TBC1D22A: variants seen among roughly 807,000 people sequenced by gnomAD.
TBC1D22A encodes TBC1 domain family member 22A, also known as putative GTPase activator.
Under a neutral mutation model 60.2 loss-of-function variants are expected in TBC1D22A, and 38 were observed. That is an observed-to-expected ratio of 0.63 (90% CI 0.49 to 0.83). The LOEUF is 0.83. Ranked by LOEUF, TBC1D22A falls within the 40% of genes least tolerant of loss-of-function variation. TBC1D22A has a pLI of 0.00. For synonymous variants in TBC1D22A, 302 were observed against 281.7 expected (o/e 1.07, Z -0.72); for missense variants, 628 against 701.0 (o/e 0.90, Z 1.18).
At chr22:46,938,206 A>T (rs536293926) in intron 8 of TBC1D22A, among the ~76,000 whole-genome samples, 1 of 152,242 alleles carries the variant, frequency 6.6e-6, no homozygotes, top group South Asian at 2.1e-4. Context: ...ACAGGTGTAC[A>T]GTTTTTTGTC....
intron 8 of TBC1D22A, among the ~76,000 whole-genome samples, chr22:46,954,529 C>T (rs545617382): frequency 6.6e-6 from 1 of 152,318 alleles, no homozygotes; most frequent in Non-Finnish European, 1.5e-5. Flanking sequence ...GCCCCCTCTC[C>T]TGGGCTCATC....
At chr22:47,106,449 A>G (rs1376430711) in intron 11 of TBC1D22A, among the ~76,000 whole-genome samples, 1 of 152,264 alleles carries the variant, frequency 6.6e-6, no homozygotes, top group Non-Finnish European at 1.5e-5. Context: ...ATAGATTGAT[A>G]GCATTCAATA....
chr22:46,941,830 G>GAGT (rs2072165545), intron 8 of TBC1D22A, among the ~76,000 whole-genome samples: 1 of 67,204 alleles, frequency 1.5e-5, no homozygotes, highest in Non-Finnish European at 2.9e-5. Flanking sequence ...AGAATATATA[G>GAGT]AATAATAGAA....
At chr22:46,815,988 G>A (rs1222013854) in intron 4 of TBC1D22A, among the ~76,000 whole-genome samples, 1 of 152,186 alleles carries the variant, frequency 6.6e-6, no homozygotes, top group Non-Finnish European at 1.5e-5. Flanking sequence ...GGAGGGCTCT[G>A]GGGAACGAGA....
chr22:47,068,770 T>C (rs943557586), intron 11 of TBC1D22A, among the ~76,000 whole-genome samples: 1 of 152,212 alleles, frequency 6.6e-6, no homozygotes, highest in Non-Finnish European at 1.5e-5. Context: ...AAAGGAGACA[T>C]GCAAATGAGG....
intron 4 of TBC1D22A, among the ~76,000 whole-genome samples, chr22:46,820,561 C>T (rs1381477920): frequency 6.6e-6 from 1 of 152,150 alleles, no homozygotes; most frequent in Non-Finnish European, 1.5e-5. Flanking sequence ...ATTTCTTAAT[C>T]CTGAATTCTA....
intron 4 of TBC1D22A, among the ~76,000 whole-genome samples, chr22:46,824,093 T>C (rs1602024143): frequency 6.6e-6 from 1 of 152,228 alleles, no homozygotes; most frequent in South Asian, 2.1e-4. Context: ...TAACACGTTA[T>C]AAATTCAGTA....
At chr22:46,938,217 T>A (rs1052495944) in intron 8 of TBC1D22A, among the ~76,000 whole-genome samples, 4 of 152,208 alleles carry the variant, frequency 2.6e-5, no homozygotes, top group African/African-American at 9.6e-5. Flanking sequence ...GTTTTTTGTC[T>A]TCACTACTTT....
At chr22:46,872,976 G>A (rs991718505) in intron 4 of TBC1D22A, among the ~76,000 whole-genome samples, 15 of 152,148 alleles carry the variant, frequency 9.9e-5, no homozygotes, top group African/African-American at 1.7e-4. Flanking sequence ...GAAACCATTC[G>A]TGTCCCTCCA....
intron 8 of TBC1D22A, among the ~76,000 whole-genome samples, chr22:46,952,561 G>T (rs2072973530): frequency 6.6e-6 from 1 of 152,144 alleles, no homozygotes; most frequent in Admixed American, 6.5e-5. Flanking sequence ...AAGATGTCGT[G>T]CTCTGAAATG....
intron 8 of TBC1D22A, among the ~76,000 whole-genome samples, chr22:46,941,333 C>T (rs937810839): frequency 3.0e-5 from 3 of 101,230 alleles, no homozygotes; most frequent in African/African-American, 4.6e-5. Context: ...TGGGGCACTA[C>T]AATATATATA....
intron 11 of TBC1D22A, among the ~76,000 whole-genome samples, chr22:47,090,203 G>C (rs950954168): frequency 6.6e-6 from 1 of 152,162 alleles, no homozygotes; most frequent in Non-Finnish European, 1.5e-5. Flanking sequence ...TGAAGATTCC[G>C]GGGCTTGCCA....
In TBC1D22A at chr22:47,142,411, C is replaced by A. The variant is rs1390426644; in HGVS notation, c.1425+30808C>A. ...CCCATTCTTCCATCCATCCTGCCAC[C>A]CACCCATCCATTCACCCACCCACCC... On this transcript the variant is annotated intron_variant, in intron 12 of 12. Transcript: ENST00000337137. Among the ~76,000 whole-genome samples, 3 of 70,268 alleles carry A rather than the reference C, an allele frequency of 4.3e-5. No individual in the cohort carries two copies. In the South Asian group the frequency reaches 1.6e-3, roughly 38 times the overall value. The allele number at this position is 70,268 out of a possible 152,430, so 46.1% of individuals were successfully genotyped here. A position where few individuals can be genotyped will look rare whatever the true frequency, so the allele number is the denominator to read the frequency against.
intron 4 of TBC1D22A, among the ~76,000 whole-genome samples, chr22:46,847,533 A>T (rs898798937): frequency 7.2e-5 from 11 of 152,304 alleles, no homozygotes; most frequent in Admixed American, 6.5e-4. Context: ...CCTTTCTTCT[A>T]TCCCTTCTCT....
intron 7 of TBC1D22A, among the ~76,000 whole-genome samples, chr22:46,897,783 T>C (rs1348612141): frequency 6.6e-6 from 1 of 152,106 alleles, no homozygotes; most frequent in Non-Finnish European, 1.5e-5. Context: ...TTTCTTGTTA[T>C]AGTAAATGTT....
At chr22:46,946,519 G>A (rs1877016774) in intron 8 of TBC1D22A, among the ~76,000 whole-genome samples, 1 of 152,138 alleles carries the variant, frequency 6.6e-6, no homozygotes, top group African/African-American at 2.4e-5. Context: ...AGTAGATAGA[G>A]CTGTAAGATC....
intron 11 of TBC1D22A, among the ~76,000 whole-genome samples, chr22:47,105,118 T>C (rs1300672769): frequency 2.0e-5 from 3 of 151,920 alleles, no homozygotes; most frequent in African/African-American, 7.3e-5. Context: ...TCTCTTTAAA[T>C]ATTTTACAGA....
At chr22:47,069,283 T>G (rs1022613480) in intron 11 of TBC1D22A, among the ~76,000 whole-genome samples, 11 of 152,264 alleles carry the variant, frequency 7.2e-5, no homozygotes, top group Non-Finnish European at 1.0e-4. Context: ...ACATATATTT[T>G]TGTTGCAAAC....
chr22:46,986,507 C>T (rs1020350169), intron 9 of TBC1D22A, among the ~76,000 whole-genome samples: 25 of 151,850 alleles, frequency 1.6e-4, no homozygotes, highest in African/African-American at 5.6e-4. Flanking sequence ...TACCCGTGAG[C>T]GTAGTGTATT....
Sources: gnomAD v4.1 joint callset for allele counts (sites outside exome capture counted in the v4.1 genomes callset) on GRCh38, gnomAD v4.1.1 for gene constraint, MANE v1.5 for transcripts, NCBI Gene and HGNC (gene_info 2026-07-23, HGNC 2026-07-21) for gene names.